The following NEMP2 variants were observed in gnomAD, a reference collection of about 807,000 sequenced individuals.
NEMP2 encodes the protein UPF0571 transmembrane protein.
A neutral mutation model predicts 54.2 loss-of-function variants in NEMP2; 53 were observed. The observed-to-expected ratio is 0.98, with a 90% CI of 0.78 to 1.23. The LOEUF (loss-of-function observed/expected upper bound fraction) is 1.23. Among genes scored for constraint, NEMP2 ranks in the 50% most tolerant of loss-of-function variants. The probability of loss-of-function intolerance (pLI) is 0.00; values close to 1 mark genes in which losing one functional copy is unlikely to be tolerated. For synonymous variants in NEMP2, 197 were observed against 190.3 expected (o/e 1.04, Z -0.29); for missense variants, 455 against 511.3 (o/e 0.89, Z 1.06).
the NEMP2 span, among the ~76,000 whole-genome samples, chr2:190,568,663 A>C: frequency 2.0e-5 from 3 of 152,142 alleles, no homozygotes; most frequent in Non-Finnish European, 2.9e-5. This position sits in a 1 kb window ranked among gnomAD's most constrained non-coding sequence, Gnocchi z 4.7. Flanking sequence ...TCTCTACTAA[A>C]AATACAAAAT....
At chr2:190,436,500 G>C in the NEMP2 span, 1 of 1,614,182 alleles carries the variant, frequency 6.2e-7, no homozygotes, top group Non-Finnish European at 8.5e-7. The surrounding 1 kb of genome is among the most constrained non-coding windows in gnomAD (Gnocchi z 5.3). Context: ...CTGCTACCTT[G>C]AGATGTGTAC....
At chr2:190,606,638 G>T in the NEMP2 span, among the ~76,000 whole-genome samples, 1 of 152,290 alleles carries the variant, frequency 6.6e-6, no homozygotes, top group African/African-American at 2.4e-5. Flanking sequence ...CTTGAACCTG[G>T]GAGGCAGAGG....
the NEMP2 span, among the ~76,000 whole-genome samples, chr2:190,603,298 A>G: frequency 2.0e-5 from 3 of 152,126 alleles, no homozygotes; most frequent in Non-Finnish European, 2.9e-5. Context: ...CATCCCTCTC[A>G]GAGATGCTTC....
At chr2:190,544,907 G>C in the NEMP2 span, among the ~76,000 whole-genome samples, 1 of 135,540 alleles carries the variant, frequency 7.4e-6, no homozygotes, top group Non-Finnish European at 1.5e-5. Flanking sequence ...AGTCACCATA[G>C]TGAGACACTG....
downstream of NEMP2, chr2:190,500,155 T>C (rs1689954858): frequency 2.5e-6 from 4 of 1,613,950 alleles, no homozygotes; most frequent in Non-Finnish European, 3.4e-6. This position sits in a 1 kb window ranked among gnomAD's most constrained non-coding sequence, Gnocchi z 5.3. Context: ...CTCACCCCAG[T>C]GTGGACCCGT....
the NEMP2 span, among the ~76,000 whole-genome samples, chr2:190,641,827 C>T: frequency 5.8e-4 from 88 of 152,178 alleles, no homozygotes; most frequent in East Asian, 6.8e-3. Context: ...GATAGAGTTG[C>T]GGAGTTTTAA....
At chr2:190,444,547 T>C in the NEMP2 span, among the ~76,000 whole-genome samples, 1 of 152,248 alleles carries the variant, frequency 6.6e-6, no homozygotes, top group Non-Finnish European at 1.5e-5. Flanking sequence ...TTCTTTTTAG[T>C]GTAGGGGAGA....
the NEMP2 span, among the ~76,000 whole-genome samples, chr2:190,446,514 C>T: frequency 6.6e-6 from 1 of 152,170 alleles, no homozygotes; most frequent in Non-Finnish European, 1.5e-5. Context: ...GCAGTAAAAT[C>T]TGCCTAATAA....
chr2:190,492,183 ATT>A, the NEMP2 span, among the ~76,000 whole-genome samples: 1 of 152,208 alleles, frequency 6.6e-6, no homozygotes, highest in Non-Finnish European at 1.5e-5. The surrounding 1 kb of genome is among the most constrained non-coding windows in gnomAD (Gnocchi z 5.2). Flanking sequence ...CCTAAGAATA[ATT>A]GGAGTTCCTG....
downstream of NEMP2, chr2:190,500,307 C>G: frequency 1.4e-6 from 2 of 1,389,986 alleles, no homozygotes; most frequent in East Asian, 2.4e-5. The surrounding 1 kb of genome is among the most constrained non-coding windows in gnomAD (Gnocchi z 5.3). Context: ...TATGCCTCCC[C>G]TGGAGGAGCA....
chr2:190,423,480 C>T, the NEMP2 span, among the ~76,000 whole-genome samples: 1 of 152,284 alleles, frequency 6.6e-6, no homozygotes, highest in African/African-American at 2.4e-5. This position sits in a 1 kb window ranked among gnomAD's most constrained non-coding sequence, Gnocchi z 4.3. Flanking sequence ...CTTTTTATTG[C>T]TGCATAATAT....
the NEMP2 span, among the ~76,000 whole-genome samples, chr2:190,564,202 T>A: frequency 2.6e-5 from 4 of 152,260 alleles, no homozygotes; most frequent in Non-Finnish European, 4.4e-5. This position sits in a 1 kb window ranked among gnomAD's most constrained non-coding sequence, Gnocchi z 4.2. Flanking sequence ...AATAGTGGAT[T>A]TTAAGAAGTG....
chr2:190,603,517 C>G, the NEMP2 span, among the ~76,000 whole-genome samples: 1 of 149,586 alleles, frequency 6.7e-6, no homozygotes, highest in East Asian at 2.0e-4. Context: ...TCTCTCCACA[C>G]TGGAAGCTCC....
chr2:190,509,021 C>G lies in NEMP2; in HGVS notation c.*168G>C. Reference sequence around the variant, plus strand: ...TAAGTAGCAGAAGTCACCAAGAATGCTAAGTTATCTTCAAAATGGGTTGGT... The same window carrying G: ...TAAGTAGCAGAAGTCACCAAGAATGGTAAGTTATCTTCAAAATGGGTTGGT... On this transcript the variant is annotated 3_prime_UTR_variant, in exon 9 of 9. Coordinates refer to ENST00000409150, the MANE Select transcript of NEMP2 (RefSeq NM_001142645.2). This position sits in a 1 kb window ranked among gnomAD's most constrained non-coding sequence, Gnocchi z 6.1. 2 of 1,044,490 alleles carry G rather than the reference C, an allele frequency of 1.9e-6. No individual in the cohort carries two copies. Among genetic ancestry groups the G allele is most frequent in the Non-Finnish European group, 2.7e-6 (2 of 745,236 alleles). 64.7% of individuals were successfully genotyped at this position (1,044,490 alleles called of 1,614,324 possible).
At chr2:190,480,227 A>G in the NEMP2 span, among the ~76,000 whole-genome samples, 2 of 152,240 alleles carry the variant, frequency 1.3e-5, no homozygotes, top group African/African-American at 4.8e-5. Context: ...CATGGGGAAG[A>G]AATACTAGTT....
the NEMP2 span, among the ~76,000 whole-genome samples, chr2:190,634,563 G>T: frequency 6.6e-6 from 1 of 152,276 alleles, no homozygotes; most frequent in South Asian, 2.1e-4. The surrounding 1 kb of genome is among the most constrained non-coding windows in gnomAD (Gnocchi z 6.8). Flanking sequence ...GAAAGAACAA[G>T]AAACACCTAA....
At chr2:190,559,401 G>A in the NEMP2 span, among the ~76,000 whole-genome samples, 4 of 152,156 alleles carry the variant, frequency 2.6e-5, no homozygotes, top group South Asian at 2.1e-4. This position sits in a 1 kb window ranked among gnomAD's most constrained non-coding sequence, Gnocchi z 4.0. Flanking sequence ...ACCCTTGAGC[G>A]TATGAGTTCT....
chr2:190,574,341 T>C, the NEMP2 span, among the ~76,000 whole-genome samples: 4 of 152,038 alleles, frequency 2.6e-5, no homozygotes, highest in Non-Finnish European at 2.9e-5. Flanking sequence ...TTAAGATATA[T>C]GTGCTTATGA....
At chr2:190,550,200 T>C in the NEMP2 span, among the ~76,000 whole-genome samples, 35,757 of 152,116 alleles carry the variant, frequency 0.24, 5,064 homozygotes, top group South Asian at 0.33. The surrounding 1 kb of genome is among the most constrained non-coding windows in gnomAD (Gnocchi z 4.7). Flanking sequence ...AGAACAGATA[T>C]TTATTTTTGA....
Sources: gnomAD v4.1 joint callset for allele counts (sites outside exome capture counted in the v4.1 genomes callset) on GRCh38, gnomAD v4.1.1 for gene constraint, Gnocchi (gnomAD v3.1) non-coding constraint, MANE v1.5 for transcripts, NCBI Gene and HGNC (gene_info 2026-07-23, HGNC 2026-07-21) for gene names.